LRRC4B: variants seen among roughly 807,000 people sequenced by gnomAD.
LRRC4B encodes the protein leucine rich repeat containing 4B.
In LRRC4B, 1 loss-of-function variant was observed where a neutral mutation model predicts 7.3. The ratio of observed to expected loss-of-function variants is 0.14; its 90% CI spans 0.05 to 0.65. The LOEUF (loss-of-function observed/expected upper bound fraction) is 0.65. Among genes scored for constraint, LRRC4B ranks in the 30% least tolerant of loss-of-function variants. The pLI is 0.84. For missense variants in LRRC4B, 730 were observed against 1,041.6 expected (o/e 0.70, Z 4.12); for synonymous variants, 500 against 499.2 (o/e 1.00, Z -0.02).
chr19:50,520,230 AAAAAAAAAAAAAAAAAAGAAGAAAAG>A (rs1980507617), intron 2 of LRRC4B, among the ~76,000 whole-genome samples: 2 of 73,572 alleles, frequency 2.7e-5, no homozygotes, highest in African/African-American at 5.9e-5. Flanking sequence ...AAAAAAAAAA[AAAAAAAAAAAAAAAAAAGAAGAAAAG>A]AAAAGAAAAA....
chr19:50,558,200 T>TACACACACACACACACACACACAC (rs71182737), intron 1 of LRRC4B, among the ~76,000 whole-genome samples: 4 of 147,592 alleles, frequency 2.7e-5, no homozygotes, highest in African/African-American at 1.0e-4. Context: ...ACTGTATACA[T>TACACACACACACACACACACACAC]ACACACACAC....
At chr19:50,557,029 C>CT (rs1982299436) in intron 1 of LRRC4B, among the ~76,000 whole-genome samples, 1 of 152,064 alleles carries the variant, frequency 6.6e-6, no homozygotes, top group Non-Finnish European at 1.5e-5. Context: ...AAGGACCCCT[C>CT]TGAGTGGACT....
At position 50,552,684 on chromosome 19, in the gene LRRC4B, C is replaced by CCATT. The variant is rs1982136484; in HGVS notation, c.-35-3812_-35-3811insAATG. 6.5e-5 allele frequency among the ~76,000 whole-genome samples: 4 copies of CCATT among 61,748 alleles called. 1 individual carries two copies. Among genetic ancestry groups the CCATT allele is most frequent in the African/African-American group, 1.7e-4 (4 of 23,742 alleles). The allele number at this position is 61,748 out of a possible 152,430, so 40.5% of individuals were successfully genotyped here. A position where few individuals can be genotyped will look rare whatever the true frequency, so the allele number is the denominator to read the frequency against. ...TCCATCCATCCATCCATCCATCCAT[C>CCATT]CATCCGTCCATCCATCCGCCCATCC... On this transcript the variant is annotated intron_variant, in intron 1 of 2. Transcript: ENST00000652263.
At position 50,519,515 on chromosome 19, in the gene LRRC4B, T is replaced by C. The variant is rs1214425107; in HGVS notation, c.298-100A>G. 1 of 1,447,862 alleles carries C rather than the reference T, an allele frequency of 6.9e-7. No individual in the cohort carries two copies. Among genetic ancestry groups the C allele is most frequent in the Non-Finnish European group, 9.1e-7 (1 of 1,104,712 alleles). The allele number at this position is 1,447,862 out of a possible 1,614,324, so 89.7% of individuals were successfully genotyped here. On this transcript the variant is annotated intron_variant, in intron 2 of 2. Transcript: ENST00000652263. This position sits in a 1 kb window ranked among gnomAD's most constrained non-coding sequence, Gnocchi z 8.1. Reference sequence around the variant, plus strand: ...GCAGGTGGGGCCGTGTGGCTGGATCTCCCGTGCTGTGCTGTGACGGTACGA... The same window carrying C: ...GCAGGTGGGGCCGTGTGGCTGGATCCCCCGTGCTGTGCTGTGACGGTACGA...
intron 1 of LRRC4B, among the ~76,000 whole-genome samples, chr19:50,567,532 G>A (rs1243615265): frequency 6.6e-6 from 1 of 151,122 alleles, no homozygotes; most frequent in Non-Finnish European, 1.5e-5. Context: ...AGCAGCAGCG[G>A]TGTGGAGGGT....
At position 50,555,108 on chromosome 19, in the gene LRRC4B, C is replaced by A. The variant is rs550739785; in HGVS notation, c.-35-6235G>T. 5.1e-4 allele frequency among the ~76,000 whole-genome samples: 78 copies of A among 152,350 alleles called. No homozygotes were observed. Among genetic ancestry groups the A allele is most frequent in the Middle Eastern group, 6.8e-3 (2 of 294 alleles). On this transcript the variant is annotated intron_variant, in intron 1 of 2. Coordinates refer to ENST00000652263, the MANE Select transcript of LRRC4B (RefSeq NM_001080457.2). This position sits in a 1 kb window ranked among gnomAD's most constrained non-coding sequence, Gnocchi z 5.2. Reference sequence around the variant, plus strand: ...ATGGACTGCCCTCTGCCCCCACGCACCCCTAGTAGTGATGGGAAATACTGA... The same window carrying A: ...ATGGACTGCCCTCTGCCCCCACGCAACCCTAGTAGTGATGGGAAATACTGA...
chr19:50,523,891 G>A (rs549954558), intron 2 of LRRC4B, among the ~76,000 whole-genome samples: 11 of 151,996 alleles, frequency 7.2e-5, no homozygotes, highest in African/African-American at 2.4e-4. Context: ...CCCGGGAGGC[G>A]GAGGTTGCAG....
chr19:50,561,513 C>T (rs1476037597), intron 1 of LRRC4B, among the ~76,000 whole-genome samples: 1 of 152,082 alleles, frequency 6.6e-6, no homozygotes, highest in Non-Finnish European at 1.5e-5. Flanking sequence ...GCAAGAGGAT[C>T]GCATGAGCTC....
Position 50,548,868 on chromosome 19 carries a change from G to T in LRRC4B, c.-30C>A, listed in dbSNP as rs1409015898. 1.4e-6 allele frequency: 2 copies of T among 1,419,038 alleles called. No individual in the cohort carries two copies. 87.9% of individuals were successfully genotyped at this position (1,419,038 alleles called of 1,614,324 possible). ...AATGTTCATGCTCCGCGTGGACGCT[G>T]GGGGGCTGTGGGTGGGGGAGAGAAG... is the stretch of plus-strand genomic sequence containing the variant. On this transcript the variant is annotated 5_prime_UTR_variant, in exon 2 of 3. Coordinates refer to ENST00000652263, the MANE Select transcript of LRRC4B (RefSeq NM_001080457.2). The surrounding 1 kb of genome is among the most constrained non-coding windows in gnomAD (Gnocchi z 6.8).
chr19:50,542,523 C>T (rs143160144), intron 2 of LRRC4B, among the ~76,000 whole-genome samples: 3,401 of 140,174 alleles, frequency 0.024, 66 homozygotes, highest in Middle Eastern at 0.079. Context: ...GTCACTCAGG[C>T]GGGAGTGCAT....
At chr19:50,535,520 C>T (rs1440192787) in intron 2 of LRRC4B, among the ~76,000 whole-genome samples, 1 of 152,188 alleles carries the variant, frequency 6.6e-6, no homozygotes, top group Non-Finnish European at 1.5e-5. Context: ...GTTTAGCAAG[C>T]TTACTGTTGT....
intron 2 of LRRC4B, among the ~76,000 whole-genome samples, chr19:50,534,588 C>T (rs780877966): frequency 6.6e-6 from 1 of 152,204 alleles, no homozygotes; most frequent in South Asian, 2.1e-4. Context: ...TGGGACAGAT[C>T]TCAATGATGC....
intron 2 of LRRC4B, among the ~76,000 whole-genome samples, chr19:50,528,784 C>A (rs1207784061): frequency 6.6e-6 from 1 of 152,146 alleles, no homozygotes; most frequent in Non-Finnish European, 1.5e-5. Flanking sequence ...CTGGTGGGGG[C>A]TCAGCCTGCA....
chr19:50,541,592 C>T (rs1981553267), intron 2 of LRRC4B, among the ~76,000 whole-genome samples: 1 of 152,000 alleles, frequency 6.6e-6, no homozygotes, highest in South Asian at 2.1e-4. Context: ...TCTTTGAAGC[C>T]CCTCTAATAA....
chr19:50,536,261 G>A (rs1981281549), intron 2 of LRRC4B, among the ~76,000 whole-genome samples: 1 of 151,972 alleles, frequency 6.6e-6, no homozygotes, highest in Admixed American at 6.6e-5. Context: ...ACCCTCCCGA[G>A]TATCTGGGAT....
In LRRC4B at chr19:50,519,119, G is replaced by T; in HGVS notation, c.594C>A (p.Ile198=). 6.2e-7 allele frequency: 1 copy of T among 1,611,872 alleles called. No homozygotes were observed. Among genetic ancestry groups the T allele is most frequent in the Non-Finnish European group, 8.5e-7 (1 of 1,179,988 alleles). ...DLGELKRLEY[I]SEAAFEGLVN... ...CCAGCCCCTCGAAGGCCGCCTCCGA[G>T]ATGTATTCCAGCCGCTTGAGCTCGC... The change falls in exon 3 of 3, where the codon ATC becomes ATA. Residue 198 remains isoleucine, a synonymous_variant. Coordinates refer to ENST00000652263, the MANE Select transcript of LRRC4B (RefSeq NM_001080457.2). This position sits in a 1 kb window ranked among gnomAD's most constrained non-coding sequence, Gnocchi z 8.1.
intron 2 of LRRC4B, among the ~76,000 whole-genome samples, chr19:50,544,519 T>A (rs1203584006): frequency 2.1e-4 from 31 of 146,252 alleles, no homozygotes; most frequent in Admixed American, 5.5e-4. Flanking sequence ...AAAAAAAAAA[T>A]AAATAAAAAT....
intron 2 of LRRC4B, among the ~76,000 whole-genome samples, chr19:50,524,362 C>T (rs1980711753): frequency 6.6e-6 from 1 of 152,206 alleles, no homozygotes; most frequent in African/African-American, 2.4e-5. Flanking sequence ...CTGCTCGCCT[C>T]AGCCTCCTGA....
intron 1 of LRRC4B, among the ~76,000 whole-genome samples, chr19:50,549,082 C>T (rs528788454): frequency 1.1e-4 from 16 of 152,328 alleles, no homozygotes; most frequent in African/African-American, 3.8e-4. Context: ...CCTGCACTAG[C>T]TCATCCTCTC....
Sources: allele counts gnomAD v4.1 joint callset (sites outside exome capture counted in the v4.1 genomes callset), GRCh38; gene constraint gnomAD v4.1.1; non-coding constraint Gnocchi (gnomAD v3.1); transcripts MANE v1.5; gene names NCBI Gene and HGNC (gene_info 2026-07-23, HGNC 2026-07-21).